PIWIL1: variants seen among roughly 807,000 people sequenced by gnomAD.
PIWIL1 encodes piwi like RNA-mediated gene silencing 1, also known as piwi-like protein 1.
Under a neutral mutation model 114.4 loss-of-function variants are expected in PIWIL1, and 73 were observed. The ratio of observed to expected loss-of-function variants is 0.64; its 90% CI spans 0.53 to 0.78. The LOEUF is 0.78. PIWIL1 is among the 30% of genes least tolerant of loss of function. The pLI, the probability that PIWIL1 is intolerant of heterozygous loss-of-function variation, is 0.00. For synonymous variants in PIWIL1, 375 were observed against 369.0 expected (o/e 1.02, Z -0.19); for missense variants, 723 against 1,063.1 (o/e 0.68, Z 4.45).
chr12:130,383,196 A>G, the PIWIL1 span, among the ~76,000 whole-genome samples: 1 of 152,178 alleles, frequency 6.6e-6, no homozygotes, highest in Non-Finnish European at 1.5e-5. Context: ...TTCTTGTACA[A>G]ATTGCGTTCC....
the PIWIL1 span, among the ~76,000 whole-genome samples, chr12:130,415,471 C>G: frequency 6.6e-6 from 1 of 152,208 alleles, no homozygotes; most frequent in Non-Finnish European, 1.5e-5. Flanking sequence ...AGGCTGGAAG[C>G]CTTCACCTTA....
intron 19 of PIWIL1, among the ~76,000 whole-genome samples, chr12:130,369,792 G>T (rs959276766): frequency 1.3e-4 from 19 of 151,732 alleles, no homozygotes; most frequent in Admixed American, 8.5e-4. Flanking sequence ...TTAGACTTTT[G>T]TAAGATGGGT....
chr12:130,402,712 G>T, the PIWIL1 span, among the ~76,000 whole-genome samples: 1 of 152,178 alleles, frequency 6.6e-6, no homozygotes, highest in Non-Finnish European at 1.5e-5. Context: ...AGGCTGAAAG[G>T]CAGAAAACAC....
At chr12:130,372,649 G>C (rs1286234802), downstream of PIWIL1, 3 of 129,384 alleles carry the variant, frequency 2.3e-5, no homozygotes, top group Non-Finnish European at 4.7e-5. Flanking sequence ...AGCTCAATTA[G>C]TGTCTCTTAC....
intron 16 of PIWIL1, among the ~76,000 whole-genome samples, chr12:130,362,487 G>C (rs1011391471): frequency 1.3e-5 from 2 of 152,162 alleles, no homozygotes; most frequent in East Asian, 3.9e-4. Flanking sequence ...CAGCGCCTCT[G>C]GGTATTATAG....
the PIWIL1 span, among the ~76,000 whole-genome samples, chr12:130,377,933 G>A: frequency 6.6e-6 from 1 of 152,170 alleles, no homozygotes; most frequent in Non-Finnish European, 1.5e-5. Flanking sequence ...CTTCTTTCTG[G>A]ACAGCGCAAG....
the PIWIL1 span, among the ~76,000 whole-genome samples, chr12:130,386,275 A>T: frequency 1.3e-5 from 2 of 152,088 alleles, no homozygotes; most frequent in African/African-American, 4.8e-5. Context: ...ACCCCTGCAT[A>T]TCTTTTATTT....
chr12:130,371,182 C>CT lies in PIWIL1; in HGVS notation c.2334dup (p.Ile779TyrfsTer10). 6.2e-7 allele frequency: 1 copy of CT among 1,613,968 alleles called. No individual in the cohort carries two copies. The highest frequency in any genetic ancestry group is 8.5e-7 in the Non-Finnish European group (1 of 1,179,932). On this transcript the variant is annotated frameshift_variant, in exon 20 of 21. Transcript: ENST00000245255. LOFTEE classifies it high-confidence loss of function. ...GTGTTTTCTGTAATTCCAGGTATGACTTTTTTATCGTGAGCCAGGCTGTGA... is the reference window on the plus strand; with the variant it reads ...GTGTTTTCTGTAATTCCAGGTATGACTTTTTTTATCGTGAGCCAGGCTGTGA...
intron 4 of PIWIL1, 23 bp downstream of exon 4, chr12:130,345,901 T>A: frequency 6.2e-7 from 1 of 1,611,818 alleles, no homozygotes; most frequent in Non-Finnish European, 8.5e-7. Flanking sequence ...AGAATAAGTT[T>A]TGTGAGATTA....
In PIWIL1 at chr12:130,362,777, G is replaced by A. The variant is rs377411680; in HGVS notation, c.1982G>A (p.Arg661His). The A allele has an allele frequency of 3.1e-6, 5 of 1,613,812 alleles. No homozygotes were observed. Among genetic ancestry groups the A allele is most frequent in the East Asian group, 2.2e-5 (1 of 44,900 alleles). The change falls in exon 17 of 21, where the codon CGC (arginine) becomes CAC (histidine). Residue 661 changes from arginine (R) to histidine (H), a missense_variant. Physicochemically the swap from Arg to His is conservative, Grantham distance 29. Transcript: ENST00000245255. Reference protein sequence around the residue: ...INEGMTRWFSRCIFQDRGQEL... With the variant: ...INEGMTRWFSHCIFQDRGQEL... Reference sequence around the variant, plus strand: ...TTTTCTCTGAATAGCTGGTTCTCACGCTGCATATTTCAGGATAGAGGACAG... The same window carrying A: ...TTTTCTCTGAATAGCTGGTTCTCACACTGCATATTTCAGGATAGAGGACAG...
chr12:130,412,021 GC>G, the PIWIL1 span, among the ~76,000 whole-genome samples: 5 of 151,940 alleles, frequency 3.3e-5, no homozygotes, highest in Admixed American at 2.6e-4. Flanking sequence ...GACTACAGAG[GC>G]TTTTTTTAAT....
At chr12:130,360,081 A>T (rs961179463) in intron 14 of PIWIL1, among the ~76,000 whole-genome samples, 14 of 152,316 alleles carry the variant, frequency 9.2e-5, no homozygotes, top group Non-Finnish European at 1.8e-4. Context: ...TCATACAGCC[A>T]CATTGCAATG....
chr12:130,338,211 C>T (rs2072766426), intron 1 of PIWIL1, 65 bp downstream of exon 1: 3 of 260,306 alleles, frequency 1.2e-5, no homozygotes, highest in South Asian at 9.0e-5. Context: ...GGCTGGGGGT[C>T]CGGGATGTGG....
chr12:130,344,327 A>G (rs2073009298), intron 3 of PIWIL1, among the ~76,000 whole-genome samples: 1 of 152,204 alleles, frequency 6.6e-6, no homozygotes, highest in Non-Finnish European at 1.5e-5. Flanking sequence ...CTCTGGGATA[A>G]AAAGCTCACT....
chr12:130,413,632 C>CAA, the PIWIL1 span, among the ~76,000 whole-genome samples: 29 of 73,296 alleles, frequency 4.0e-4, no homozygotes, highest in African/African-American at 5.3e-4. Flanking sequence ...GACTCTGTCT[C>CAA]AAAAAAAAAA....
At chr12:130,377,305 A>C (rs2073874367), downstream of PIWIL1, among the ~76,000 whole-genome samples, 2 of 152,220 alleles carry the variant, frequency 1.3e-5, no homozygotes, top group Non-Finnish European at 2.9e-5. Flanking sequence ...AACAGCCCCT[A>C]GTATTTCCTG....
intron 3 of PIWIL1, chr12:130,345,364 A>G (rs2073043187): frequency 1.3e-5 from 2 of 155,976 alleles, no homozygotes; most frequent in Non-Finnish European, 2.8e-5. Context: ...TTGCATCATG[A>G]CAGACTGTGG....
At chr12:130,389,796 T>C in the PIWIL1 span, among the ~76,000 whole-genome samples, 1 of 152,206 alleles carries the variant, frequency 6.6e-6, no homozygotes, top group Non-Finnish European at 1.5e-5. Context: ...CTATCTAACA[T>C]CTTAAGTTCA....
the PIWIL1 span, chr12:130,384,001 G>T: frequency 6.6e-6 from 1 of 152,134 alleles, no homozygotes; most frequent in South Asian, 2.1e-4. Context: ...GTCATGACAT[G>T]TCTCTTCTTT....
Sources: gnomAD v4.1 joint callset for allele counts (sites outside exome capture counted in the v4.1 genomes callset) on GRCh38, gnomAD v4.1.1 for gene constraint, MANE v1.5 for transcripts, NCBI Gene and HGNC (gene_info 2026-07-23, HGNC 2026-07-21) for gene names.